SMIM22: variants seen among roughly 807,000 people sequenced by gnomAD.
SMIM22 encodes cancer associated small integral membrane open reading frame 1.
Under a neutral mutation model 8.4 loss-of-function variants are expected in SMIM22, and 16 were observed. That is an observed-to-expected ratio of 1.90 (90% CI 1.29 to 2.89). The LOEUF is 2.89. Ranked by LOEUF, SMIM22 falls within the 30% of genes most tolerant of loss-of-function variation. The probability of loss-of-function intolerance (pLI) is 0.00; values close to 1 mark genes in which losing one functional copy is unlikely to be tolerated. For missense variants in SMIM22, 159 were observed against 107.5 expected (o/e 1.48, Z -2.12); for synonymous variants, 67 against 47.6 (o/e 1.41, Z -1.68).
chr16:4,795,936 T>C lies in SMIM22; in HGVS notation c.125-12T>C. The C allele has an allele frequency of 6.6e-7, 1 of 1,518,264 alleles. No individual in the cohort carries two copies. The highest frequency in any genetic ancestry group is 1.2e-5 in the South Asian group (1 of 80,952). The allele number at this position is 1,518,264 out of a possible 1,614,324, so 94.0% of individuals were successfully genotyped here. On this transcript the variant is annotated splice_polypyrimidine_tract_variant and intron_variant, in intron 2 of 3. Coordinates refer to ENST00000586005, the MANE Select transcript of SMIM22 (RefSeq NM_001253794.2). ...GGTTGGGGCCACACCTGGACGCCTG[T>C]CCTGTCCCCAGGCACCGTGCTGCTC...
At chr16:4,792,273 C>T (rs2082562570), upstream of SMIM22, among the ~76,000 whole-genome samples, 1 of 151,574 alleles carries the variant, frequency 6.6e-6, no homozygotes, top group African/African-American at 2.4e-5. Context: ...TCACTGCAAG[C>T]TCCGCCTCCC....
upstream of SMIM22, chr16:4,794,907 GT>G (rs1407918134): frequency 1.3e-5 from 2 of 152,278 alleles, no homozygotes; most frequent in Non-Finnish European, 2.9e-5. Flanking sequence ...AAAGTATAGA[GT>G]ATATGCACAG....
chr16:4,795,925 C>A (rs1003800651), intron 2 of SMIM22, 23 bp from the exon 3 acceptor site: 2 of 1,522,980 alleles, frequency 1.3e-6, no homozygotes, highest in Non-Finnish European at 1.8e-6. Flanking sequence ...GGGGCCACAC[C>A]TGGACGCCTG....
At chr16:4,789,909 C>T (rs535765436) in intron 2 of SMIM22, 9 of 132,446 alleles carry the variant, frequency 6.8e-5, no homozygotes, top group South Asian at 6.4e-4. Context: ...CCTTTCTTTT[C>T]TTTCTTTTTT....
chr16:4,796,325 C>A lies in SMIM22; in HGVS notation c.*94C>A. ...TTCCAGTCCCCGTCTGGGTGGGTGA[C>A]GCGGGACTCGCCGCCCCACTCAGGT... On this transcript the variant is annotated 3_prime_UTR_variant, in exon 4 of 4. Transcript: ENST00000586005. The A allele has an allele frequency of 7.0e-7, 1 of 1,436,160 alleles. No homozygotes were observed. The highest frequency in any genetic ancestry group is 9.3e-7 in the Non-Finnish European group (1 of 1,070,978). 89.0% of individuals were successfully genotyped at this position (1,436,160 alleles called of 1,614,324 possible).
At chr16:4,788,998 G>A (rs1239792529) in intron 2 of SMIM22, among the ~76,000 whole-genome samples, 1 of 152,132 alleles carries the variant, frequency 6.6e-6, no homozygotes, top group Non-Finnish European at 1.5e-5. Context: ...CTGCCTTACT[G>A]TCTCTCTGAT....
chr16:4,795,996 G>A lies in SMIM22; in HGVS notation c.173G>A (p.Cys58Tyr). Reference sequence around the variant, plus strand: ...CTGGTCGTCGCCCACTGCTGCTGCTGCAGCTCCCCCGGGCCCCGCAGGGAA... The same window carrying A: ...CTGGTCGTCGCCCACTGCTGCTGCTACAGCTCCCCCGGGCCCCGCAGGGAA... ...LLLVVAHCCC[C>Y]SSPGPRRESP... Residue 58 changes from cysteine to tyrosine, a missense_variant, in exon 3 of 4, where the codon TGC (cysteine) becomes TAC (tyrosine). Transcript: ENST00000586005. 6.6e-7 allele frequency: 1 copy of A among 1,509,266 alleles called. No individual in the cohort carries two copies. Among genetic ancestry groups the A allele is most frequent in the Non-Finnish European group, 8.8e-7 (1 of 1,133,490 alleles). 93.5% of individuals were successfully genotyped at this position (1,509,266 alleles called of 1,614,324 possible).
At chr16:4,795,663 C>A (rs907528662) in intron 1 of SMIM22, 52 bp from the exon 2 acceptor site, 1 of 1,506,770 alleles carries the variant, frequency 6.6e-7, no homozygotes, top group East Asian at 2.5e-5. Flanking sequence ...GGATGTGGTC[C>A]CCGCTGAGCT....
At chr16:4,795,562 G>T in intron 1 of SMIM22, 113 bp downstream of exon 1, 4 of 921,780 alleles carry the variant, frequency 4.3e-6, no homozygotes, top group Non-Finnish European at 6.3e-6. Flanking sequence ...GAGAGAAGCT[G>T]GGCCTGGGGC....
chr16:4,792,979 G>A (rs538615470), upstream of SMIM22, among the ~76,000 whole-genome samples: 1 of 151,702 alleles, frequency 6.6e-6, no homozygotes, highest in South Asian at 2.1e-4. Context: ...CGTGGTGGCA[G>A]GTGCCTGTAA....
rs919756912 is a variant in SMIM22 at position 4,796,248 on chromosome 16, C to T, written c.*17C>T. On this transcript the variant is annotated 3_prime_UTR_variant, in exon 4 of 4. Coordinates refer to ENST00000586005, the MANE Select transcript of SMIM22 (RefSeq NM_001253794.2). ...GAACCCTGACCCTGTGTCTCCTGCC[C>T]GGTGGCAGTAACAAAGCCTTCTGTC... 4.6e-6 allele frequency: 7 copies of T among 1,535,172 alleles called. No homozygotes were observed. The highest frequency in any genetic ancestry group is 4.1e-5 in the African/African-American group (3 of 73,018).
intron 1 of SMIM22, 93 bp downstream of exon 1, chr16:4,795,542 G>C: frequency 1.3e-6 from 1 of 766,164 alleles, no homozygotes; most frequent in East Asian, 2.7e-5. Flanking sequence ...GGACCACAGG[G>C]CTGGGCAAGG....
At chr16:4,795,357 T>C, upstream of SMIM22, 1 of 226,048 alleles carries the variant, frequency 4.4e-6, no homozygotes, top group Non-Finnish European at 8.8e-6. Flanking sequence ...CGGGGCTGGT[T>C]GCCAAGGCCT....
intron 2 of SMIM22, among the ~76,000 whole-genome samples, chr16:4,789,340 T>C (rs1473475445): frequency 6.6e-6 from 1 of 151,544 alleles, no homozygotes; most frequent in Non-Finnish European, 1.5e-5. Context: ...TTCTTTTTTT[T>C]TTTGAGACGG....
At position 4,795,857 on chromosome 16, in the gene SMIM22, G is replaced by T; in HGVS notation, c.123G>T (p.Met41Ile). The T allele has an allele frequency of 6.5e-7, 1 of 1,535,846 alleles. No homozygotes were observed. The highest frequency in any genetic ancestry group is 8.7e-7 in the Non-Finnish European group (1 of 1,146,730). ...CCTTCATTGTTTTCCTCACCTTCAT[G>T]GGTAAGTGTGGCTGTGGCCTCTGGG... ...TVAFIVFLTF[M>I]GTVLLLLLLV... Residue 41 changes from methionine (M) to isoleucine (I), a missense_variant and splice_region_variant, in exon 2 of 4, where the codon ATG becomes ATT. Transcript: ENST00000586005.
upstream of SMIM22, among the ~76,000 whole-genome samples, chr16:4,791,634 A>G (rs1300442820): frequency 6.6e-6 from 1 of 152,114 alleles, no homozygotes; most frequent in Non-Finnish European, 1.5e-5. Context: ...TCCCTGCCAC[A>G]GCCTCCTCCT....
At chr16:4,793,931 C>T (rs1306834871), upstream of SMIM22, among the ~76,000 whole-genome samples, 7 of 151,782 alleles carry the variant, frequency 4.6e-5, no homozygotes, top group South Asian at 4.2e-4. Flanking sequence ...AGTATGCCAC[C>T]GCACCCAGCC....
At chr16:4,795,893 C>A in intron 2 of SMIM22, 35 bp downstream of exon 2, 2 of 1,533,214 alleles carry the variant, frequency 1.3e-6, no homozygotes, top group South Asian at 1.2e-5. Flanking sequence ...TCCTCCCAGC[C>A]CCCTGCCCTG....
At chr16:4,795,511 G>C in intron 1 of SMIM22, 62 bp downstream of exon 1, 1 of 615,456 alleles carries the variant, frequency 1.6e-6, no homozygotes, top group Non-Finnish European at 2.7e-6. Flanking sequence ...ACAGTGGCTG[G>C]GGAGAAGGTT....
Sources: gnomAD v4.1 joint callset for allele counts (sites outside exome capture counted in the v4.1 genomes callset) on GRCh38, gnomAD v4.1.1 for gene constraint, MANE v1.5 for transcripts, NCBI Gene and HGNC (gene_info 2026-07-23, HGNC 2026-07-21) for gene names.